TMEM260: variants seen among roughly 807,000 people sequenced by gnomAD.
TMEM260 encodes the protein protein O-mannosyl-transferase TMEM260.
TMEM260 carries 82 observed loss-of-function variants against 88.9 expected under a neutral mutation model. The ratio of observed to expected loss-of-function variants is 0.92; its 90% CI spans 0.77 to 1.11. TMEM260 has a LOEUF of 1.11. Among genes scored for constraint, TMEM260 ranks in the 50% least tolerant of loss-of-function variants. The pLI, the probability that TMEM260 is intolerant of heterozygous loss-of-function variation, is 0.00. For missense variants in TMEM260, 902 were observed against 853.4 expected (o/e 1.06, Z -0.71); for synonymous variants, 314 against 309.3 (o/e 1.02, Z -0.16).
At chr14:56,616,144 C>T (rs1018372734) in intron 8 of TMEM260, 117 bp downstream of exon 8, 3 of 677,728 alleles carry the variant, frequency 4.4e-6, no homozygotes, top group African/African-American at 1.8e-5. Context: ...ATAAATGACT[C>T]TCCTAGCTGT....
chr14:56,615,892 G>T, intron 7 of TMEM260, 52 bp from the exon 8 acceptor site: 1 of 1,231,056 alleles, frequency 8.1e-7, no homozygotes, highest in South Asian at 1.2e-5. Context: ...ATTTTATTTG[G>T]AATCAATCAA....
At chr14:56,659,740 C>T in the TMEM260 span, among the ~76,000 whole-genome samples, 5 of 152,336 alleles carry the variant, frequency 3.3e-5, no homozygotes, top group African/African-American at 1.2e-4. Flanking sequence ...ACCCTTAATA[C>T]CCTCATTCTT....
intron 12 of TMEM260, among the ~76,000 whole-genome samples, chr14:56,629,029 G>A (rs886384437): frequency 6.6e-6 from 1 of 151,732 alleles, no homozygotes; most frequent in Admixed American, 6.6e-5. Flanking sequence ...CTGAGTAGCT[G>A]GGATTACAGG....
intron 7 of TMEM260, chr14:56,613,252 A>AG (rs1887395876): frequency 6.6e-6 from 1 of 152,294 alleles, no homozygotes; most frequent in Admixed American, 6.5e-5. Context: ...TTGAAAAAAA[A>AG]CTATGAGGAG....
At chr14:56,649,527 A>C (rs577736122), downstream of TMEM260, 75 of 152,292 alleles carry the variant, frequency 4.9e-4, no homozygotes, top group African/African-American at 1.8e-3. Context: ...CATTGTCTTT[A>C]TTGGTTCAGA....
In TMEM260 at chr14:56,647,339, A is replaced by G. The variant is rs181793118; in HGVS notation, c.1966A>G (p.Arg656Gly). ...TGAGCGGATGCTGCGTCTTCAGGCA[A>G]GAGATGCAGATCCTGAAGTGCTGTT... ...ACERMLRLQARDADPEVLLSE... is the reference protein window; with the variant it reads ...ACERMLRLQAGDADPEVLLSE... The change falls in exon 16 of 16, where the codon AGA becomes GGA. Residue 656 changes from arginine (R) to glycine (G), a missense_variant. Physicochemically the swap from Arg to Gly is moderately radical, Grantham distance 125 (BLOSUM62 -2). Transcript: ENST00000261556. 5.6e-6 allele frequency: 9 copies of G among 1,613,848 alleles called. No individual in the cohort carries two copies. The Admixed American group carries it at 1.0e-4, about 18-fold the overall frequency.
At chr14:56,649,523 C>G (rs1481293609), downstream of TMEM260, 1 of 151,984 alleles carries the variant, frequency 6.6e-6, no homozygotes, top group Non-Finnish European at 1.5e-5. Flanking sequence ...AAAGCATTGT[C>G]TTTATTGGTT....
intron 12 of TMEM260, among the ~76,000 whole-genome samples, chr14:56,628,896 CTT>C (rs34838221): frequency 1.9e-4 from 27 of 145,268 alleles, no homozygotes; most frequent in Admixed American, 2.7e-4. Flanking sequence ...TTTTGTATTT[CTT>C]TTTTTTTTTT....
intron 15 of TMEM260, 104 bp from the exon 16 acceptor site, chr14:56,647,139 T>G: frequency 7.6e-7 from 1 of 1,314,484 alleles, no homozygotes; most frequent in Non-Finnish European, 1.0e-6. Flanking sequence ...GGAGGCTGCT[T>G]GAATTTTTTT....
chr14:56,596,420 A>G (rs1274139773), intron 3 of TMEM260, among the ~76,000 whole-genome samples: 8 of 126,350 alleles, frequency 6.3e-5, no homozygotes, highest in East Asian at 2.1e-4. Flanking sequence ...ATATATATAT[A>G]TATATACATA....
In TMEM260 at chr14:56,585,794, C is replaced by G. The variant is rs764958462; in HGVS notation, c.226C>G (p.Leu76Val). 9.3e-6 allele frequency: 15 copies of G among 1,613,414 alleles called. No homozygotes were observed. In the South Asian group the frequency reaches 1.4e-4, roughly 15 times the overall value. The part of the protein sequence containing the change: ...AHPPGYPLFT[L>V]VAKLAITLFP... ...TCCTCCTGGCTATCCTTTGTTCACG[C>G]TGGTGGCTAAACTGGCAATTACACT... The change falls in exon 3 of 16, where the codon CTG (leucine) becomes GTG (valine). Residue 76 changes from leucine (L) to valine (V), a missense_variant. Leu to Val is a conservative substitution (Grantham distance 32). Transcript: ENST00000261556.
chr14:56,640,679 G>A (rs965516731), intron 15 of TMEM260, among the ~76,000 whole-genome samples: 2 of 152,150 alleles, frequency 1.3e-5, no homozygotes, highest in Non-Finnish European at 2.9e-5. Context: ...GAAGGCTTCA[G>A]AAGATCAAAC....
chr14:56,603,703 T>G lies in TMEM260; in HGVS notation c.345-112T>G. On this transcript the variant is annotated intron_variant, in intron 3 of 15. Coordinates refer to ENST00000261556, the MANE Select transcript of TMEM260 (RefSeq NM_017799.4). ...TTAATGTATTAACCATATAATGTGT[T>G]GGAGTAGTGCTGGGTGACTATCATA... 2.8e-6 allele frequency: 3 copies of G among 1,086,698 alleles called. No individual in the cohort carries two copies. The South Asian group carries it at 4.2e-5, about 15-fold the overall frequency. 67.3% of individuals were successfully genotyped at this position (1,086,698 alleles called of 1,614,324 possible).
chr14:56,612,157 C>A, intron 6 of TMEM260, 88 bp from the exon 7 acceptor site: 2 of 1,316,056 alleles, frequency 1.5e-6, no homozygotes, highest in South Asian at 1.2e-5. Context: ...TAAGAAAACC[C>A]GAATCTTTTA....
At position 56,615,951 on chromosome 14, in the gene TMEM260, G is replaced by A. The variant is rs779849118; in HGVS notation, c.865G>A (p.Val289Ile). 2.5e-6 allele frequency: 4 copies of A among 1,612,174 alleles called. No individual in the cohort carries two copies. Among genetic ancestry groups the A allele is most frequent in the Admixed American group, 3.3e-5 (2 of 59,930 alleles). The stretch of plus-strand genomic sequence containing the variant: ...TTAGATTGTTTTTTGCAGTTCTCAA[G>A]TAACAAATATGAGGACCGAACTCTC... ...SSMSEILLSQ[V>I]TNMRTELSFN... is the part of the protein sequence containing the mutation. The change falls in exon 8 of 16, where the codon GTA (valine) becomes ATA (isoleucine). Residue 289 changes from valine to isoleucine, a missense_variant. Physicochemically the swap from Val to Ile is conservative, Grantham distance 29 (BLOSUM62 3). Transcript: ENST00000261556.
chr14:56,629,289 A>T (rs1888432322), intron 12 of TMEM260, among the ~76,000 whole-genome samples: 1 of 141,652 alleles, frequency 7.1e-6, no homozygotes, highest in Non-Finnish European at 1.5e-5. Flanking sequence ...TTTTTTTTGA[A>T]GCTGGTTGCT....
At chr14:56,598,828 C>G (rs1215531212) in intron 3 of TMEM260, among the ~76,000 whole-genome samples, 1 of 152,210 alleles carries the variant, frequency 6.6e-6, no homozygotes, top group Non-Finnish European at 1.5e-5. Context: ...CTACATTGCA[C>G]TCAGCCTGCA....
In TMEM260 at chr14:56,634,948, G is replaced by A. The variant is rs764645988; in HGVS notation, c.1774G>A (p.Ala592Thr). 6.2e-7 allele frequency: 1 copy of A among 1,613,894 alleles called. No individual in the cohort carries two copies. The highest frequency in any genetic ancestry group is 1.3e-5 in the African/African-American group (1 of 74,902). Residue 592 changes from alanine (A) to threonine (T), a missense_variant, in exon 14 of 16, where the codon GCG (alanine) becomes ACG (threonine). Physicochemically the swap from Ala to Thr is moderately conservative, Grantham distance 58 (BLOSUM62 0). Coordinates refer to ENST00000261556, the MANE Select transcript of TMEM260 (RefSeq NM_017799.4). ...TGTGGCCAATGAAGAAATGTGGCAA[G>A]CGAGGTGACTATTCTACATTTTTGT... ...ESVANEEMWQ[A>T]RMKTPFFIFN...
rs201376717 is a variant in TMEM260, at chr14:56,625,360, T to G, written c.1399-22T>G. The G allele has an allele frequency of 4.4e-6, 7 of 1,607,930 alleles. No individual in the cohort carries two copies. The South Asian group carries it at 7.9e-5, about 18-fold the overall frequency. On this transcript the variant is annotated intron_variant, in intron 11 of 15. Transcript: ENST00000261556. Reference sequence around the variant, plus strand: ...TAAGAAATATATTAAAAGTCTGACATTATGTGTGACTTTTCTGGCAGATGA... The same window carrying G: ...TAAGAAATATATTAAAAGTCTGACAGTATGTGTGACTTTTCTGGCAGATGA...
Sources: gnomAD v4.1 joint callset for allele counts (sites outside exome capture counted in the v4.1 genomes callset) on GRCh38, gnomAD v4.1.1 for gene constraint, MANE v1.5 for transcripts, NCBI Gene and HGNC (gene_info 2026-07-23, HGNC 2026-07-21) for gene names.